BID: variants seen among roughly 807,000 people sequenced by gnomAD.
BID encodes the protein BH3 interacting domain death agonist.
A neutral mutation model predicts 17.4 loss-of-function variants in BID; 19 were observed. The ratio of observed to expected loss-of-function variants is 1.09; its 90% CI spans 0.76 to 1.60. The LOEUF (loss-of-function observed/expected upper bound fraction) is 1.60, where lower values mean the gene tolerates loss of function less well. Ranked by LOEUF, BID falls within the 40% of genes most tolerant of loss-of-function variation. BID has a pLI of 0.00. For missense variants in BID, 226 were observed against 256.0 expected (o/e 0.88, Z 0.80); for synonymous variants, 108 against 102.8 (o/e 1.05, Z -0.31).
At chr22:17,772,661 G>A (rs1316945666) in intron 1 of BID, among the ~76,000 whole-genome samples, 1 of 140,970 alleles carries the variant, frequency 7.1e-6, no homozygotes, top group African/African-American at 2.7e-5. Flanking sequence ...ATCCATCCTT[G>A]TCAGTCCAGG....
At chr22:17,762,083 C>A (rs980106410) in intron 1 of BID, among the ~76,000 whole-genome samples, 5 of 151,814 alleles carry the variant, frequency 3.3e-5, no homozygotes, top group Admixed American at 1.3e-4. Context: ...AGGGGCTGAG[C>A]GAAAGAGATA....
rs1291732520 is a variant in BID, at chr22:17,739,425, C to T, written c.287G>A (p.Ser96Asn). The change falls in exon 4 of 6, where the codon AGC (serine) becomes AAC (asparagine). Residue 96 changes from serine (S) to asparagine (N), a missense_variant. By Grantham distance (46) the Ser-to-Asn change is conservative. Transcript: ENST00000622694. ...GCCCGGAGGGATGCTACGGTCCATG[C>T]TGTCCCCGACCTGGGCGAGGTGCCT... ...IARHLAQVGDSMDRSIPPGLV... is the reference protein window; with the variant it reads ...IARHLAQVGDNMDRSIPPGLV... 7 of 1,612,192 alleles carry T rather than the reference C, an allele frequency of 4.3e-6. No individual in the cohort carries two copies. Among genetic ancestry groups the T allele is most frequent in the Admixed American group, 1.7e-5 (1 of 60,004 alleles).
chr22:17,737,381 C>G (rs1187023968), intron 5 of BID, among the ~76,000 whole-genome samples: 2 of 152,082 alleles, frequency 1.3e-5, no homozygotes, highest in African/African-American at 4.8e-5. Flanking sequence ...GAGTCTTGCT[C>G]TGTCGCCCAG....
intron 1 of BID, among the ~76,000 whole-genome samples, chr22:17,765,299 G>C (rs1279597326): frequency 6.6e-6 from 1 of 152,136 alleles, no homozygotes; most frequent in East Asian, 1.9e-4. Flanking sequence ...GACAGATGGG[G>C]AACTGAGGCA....
intron 2 of BID, among the ~76,000 whole-genome samples, chr22:17,746,296 C>T (rs1433126875): frequency 6.6e-6 from 1 of 152,166 alleles, no homozygotes; most frequent in Non-Finnish European, 1.5e-5. Context: ...CCCACCAGTG[C>T]ACAATATTCC....
intron 1 of BID, among the ~76,000 whole-genome samples, chr22:17,771,140 C>T (rs994878065): frequency 1.3e-5 from 2 of 152,206 alleles, no homozygotes; most frequent in South Asian, 2.1e-4. Context: ...CGCTCTGTCC[C>T]CCAGGCTGGA....
chr22:17,756,992 T>C (rs1340487253), intron 1 of BID, among the ~76,000 whole-genome samples: 1 of 147,336 alleles, frequency 6.8e-6, no homozygotes, highest in Non-Finnish European at 1.5e-5. Flanking sequence ...TTTAGGGCCA[T>C]GCAGTGTCAA....
At position 17,735,321 on chromosome 22, in the gene BID, AT is replaced by A; in HGVS notation, c.*258del. ...AAAGGCACCGTGTGTAGATTTACAGATGTGCAGATTCATGTGTGGATGATAT... is the reference window on the plus strand; with the variant it reads ...AAAGGCACCGTGTGTAGATTTACAGAGTGCAGATTCATGTGTGGATGATAT... On this transcript the variant is annotated 3_prime_UTR_variant, in exon 6 of 6. Transcript: ENST00000622694. The A allele has an allele frequency of 2.1e-6, 1 of 476,136 alleles. No homozygotes were observed. The highest frequency in any genetic ancestry group is 3.7e-6 in the Non-Finnish European group (1 of 268,316). The allele number at this position is 476,136 out of a possible 1,614,324, so 29.5% of individuals were successfully genotyped here. A position where few individuals can be genotyped will look rare whatever the true frequency, so the allele number is the denominator to read the frequency against.
intron 1 of BID, among the ~76,000 whole-genome samples, chr22:17,756,431 T>C (rs893923153): frequency 1.1e-4 from 6 of 55,592 alleles, no homozygotes; most frequent in South Asian, 2.3e-3. Context: ...TTTCTTTCTT[T>C]CTTCTTTCTT....
intron 3 of BID, among the ~76,000 whole-genome samples, chr22:17,741,856 A>G (rs556422626): frequency 6.6e-6 from 1 of 152,036 alleles, no homozygotes; most frequent in Admixed American, 6.6e-5. Flanking sequence ...AACCAAACAT[A>G]CCCAACCCCC....
At chr22:17,767,385 A>C (rs2061686787) in intron 1 of BID, among the ~76,000 whole-genome samples, 1 of 152,166 alleles carries the variant, frequency 6.6e-6, no homozygotes, top group Admixed American at 6.5e-5. Context: ...CCAATGACTC[A>C]AAAAAAGTTT....
intron 2 of BID, among the ~76,000 whole-genome samples, chr22:17,745,940 T>C (rs1359528455): frequency 6.6e-6 from 1 of 152,006 alleles, no homozygotes; most frequent in Non-Finnish European, 1.5e-5. Context: ...CACTCCAGCC[T>C]GGGGGACGAG....
Position 17,735,531 on chromosome 22 carries a change from G to C in BID, c.*49C>G, listed in dbSNP as rs1442956941. ...CGTCTACACTGGAAGCAGCTATACAGCTGTGACCACATCGAGCTTTAGCCA... is the reference window on the plus strand; with the variant it reads ...CGTCTACACTGGAAGCAGCTATACACCTGTGACCACATCGAGCTTTAGCCA... On this transcript the variant is annotated 3_prime_UTR_variant, in exon 6 of 6. Transcript: ENST00000622694. 6.2e-7 allele frequency: 1 copy of C among 1,612,424 alleles called. No homozygotes were observed. The highest frequency in any genetic ancestry group is 8.5e-7 in the Non-Finnish European group (1 of 1,178,446).
In BID at chr22:17,773,889, G is replaced by A; in HGVS notation, c.-59+492C>T. 1.6e-6 allele frequency: 1 copy of A among 616,794 alleles called. No homozygotes were observed. The highest frequency in any genetic ancestry group is 2.9e-6 in the Non-Finnish European group (1 of 348,138). The allele number at this position is 616,794 out of a possible 1,614,324, so 38.2% of individuals were successfully genotyped here. On this transcript the variant is annotated intron_variant, in intron 1 of 5. Coordinates refer to ENST00000622694, the MANE Select transcript of BID (RefSeq NM_001196.4). The surrounding 1 kb of genome is among the most constrained non-coding windows in gnomAD (Gnocchi z 4.4). ...TAAGCGGCCGCTCTGACCGCGCTTT[G>A]TCAGCCCTGAGCTCCGCTCGGGAGG...
At chr22:17,764,719 C>G (rs2061666144) in intron 1 of BID, among the ~76,000 whole-genome samples, 1 of 152,202 alleles carries the variant, frequency 6.6e-6, no homozygotes, top group African/African-American at 2.4e-5. Context: ...GGTACAGTGA[C>G]CCAGCTGTCC....
In BID at chr22:17,773,605, C is replaced by T; in HGVS notation, c.-59+776G>A. 1 of 1,612,680 alleles carries T rather than the reference C, an allele frequency of 6.2e-7. No individual in the cohort carries two copies. Among genetic ancestry groups the T allele is most frequent in the South Asian group, 1.1e-5 (1 of 91,082 alleles). On this transcript the variant is annotated intron_variant, in intron 1 of 5. Coordinates refer to ENST00000622694, the MANE Select transcript of BID (RefSeq NM_001196.4). The surrounding 1 kb of genome is among the most constrained non-coding windows in gnomAD (Gnocchi z 4.4). ...CGCAGAAGGCCCAGCCCCCAGCCCACTTACAGAATCCGCACTGTGCTCCTC... is the reference window on the plus strand; with the variant it reads ...CGCAGAAGGCCCAGCCCCCAGCCCATTTACAGAATCCGCACTGTGCTCCTC...
intron 3 of BID, 113 bp from the exon 4 acceptor site, chr22:17,739,601 GCCCCCAC>G (rs1369210143): frequency 1.5e-6 from 2 of 1,375,034 alleles, no homozygotes; most frequent in Non-Finnish European, 2.0e-6. Flanking sequence ...GACAAGGCCA[GCCCCCAC>G]TGGGCACGTG....
intron 3 of BID, chr22:17,740,432 CTTT>C (rs34005803): frequency 3.3e-3 from 962 of 290,034 alleles, no homozygotes; most frequent in East Asian, 7.0e-3. Flanking sequence ...CTACAAGAAA[CTTT>C]TTTTTTTTTT....
At chr22:17,752,962 G>GCCCCCCAATGGGACATTTTCTATCAAA (rs1373324514) in intron 1 of BID, among the ~76,000 whole-genome samples, 1 of 98,752 alleles carries the variant, frequency 1.0e-5, no homozygotes, top group African/African-American at 3.8e-5. Context: ...ACCGCGCCCA[G>GCCCCCCAATGGGACATTTTCTATCAAA]TCTTTTTTTT....
Sources: allele counts gnomAD v4.1 joint callset (sites outside exome capture counted in the v4.1 genomes callset), GRCh38; gene constraint gnomAD v4.1.1; non-coding constraint Gnocchi (gnomAD v3.1); transcripts MANE v1.5; gene names NCBI Gene and HGNC (gene_info 2026-07-23, HGNC 2026-07-21).